The following CHL1 variants were observed in gnomAD, a reference collection of about 807,000 sequenced individuals.
The protein encoded by CHL1 is neural cell adhesion molecule L1-like protein.
Under a neutral mutation model 141.9 loss-of-function variants are expected in CHL1, and 96 were observed. That is an observed-to-expected ratio of 0.68 (90% CI 0.57 to 0.80). CHL1 has a LOEUF of 0.80. Among genes scored for constraint, CHL1 ranks in the 30% least tolerant of loss-of-function variants. CHL1 has a pLI of 0.00. For missense variants in CHL1, 1,820 were observed against 1,457.2 expected (o/e 1.25, Z -4.05); for synonymous variants, 613 against 502.2 (o/e 1.22, Z -2.95).
rs115105130 is a variant in CHL1, at chr3:351,608, T to G, written c.1033+2065T>G. Among the ~76,000 whole-genome samples, 289 of 152,282 alleles carry G rather than the reference T, an allele frequency of 1.9e-3. 3 individuals are homozygous for G. The highest frequency in any genetic ancestry group is 6.5e-3 in the African/African-American group (271 of 41,574). ...CACATTAAATAATAAGGATTTGCCA[T>G]GTGAGAAAATAGCAATGCTATTGTA... is the stretch of plus-strand genomic sequence containing the variant. On this transcript the variant is annotated intron_variant, in intron 10 of 27. Transcript: ENST00000256509.
intron 26 of CHL1, among the ~76,000 whole-genome samples, chr3:399,617 G>T (rs1708962196): frequency 6.6e-6 from 1 of 152,038 alleles, no homozygotes; most frequent in South Asian, 2.1e-4. Flanking sequence ...TTCAGCTTGG[G>T]CGACAAGAGC....
chr3:243,932 T>C (rs553934982), intron 1 of CHL1, among the ~76,000 whole-genome samples: 1 of 152,320 alleles, frequency 6.6e-6, no homozygotes, highest in East Asian at 1.9e-4. Flanking sequence ...AAAAGCATGT[T>C]CATGGGATGG....
intron 1 of CHL1, among the ~76,000 whole-genome samples, chr3:225,722 G>C (rs1358529312): frequency 6.6e-6 from 1 of 152,028 alleles, no homozygotes; most frequent in Non-Finnish European, 1.5e-5. Flanking sequence ...GTTAAGAATA[G>C]GTTATGGCCA....
At chr3:266,348 G>A (rs776624960) in intron 2 of CHL1, among the ~76,000 whole-genome samples, 2 of 152,158 alleles carry the variant, frequency 1.3e-5, no homozygotes, top group Admixed American at 6.5e-5. Context: ...CAAGGAAAGC[G>A]ATACAATTTC....
intron 2 of CHL1, among the ~76,000 whole-genome samples, chr3:272,587 C>A (rs1444677865): frequency 6.6e-6 from 1 of 152,158 alleles, no homozygotes; most frequent in Non-Finnish European, 1.5e-5. Context: ...TGCAAGAAAT[C>A]TAAGGCAAAA....
intron 1 of CHL1, among the ~76,000 whole-genome samples, chr3:235,397 C>A (rs1337312916): frequency 6.6e-6 from 1 of 151,968 alleles, no homozygotes; most frequent in Non-Finnish European, 1.5e-5. Flanking sequence ...CCGTATCTAC[C>A]TCATGGGTTG....
chr3:316,477 T>A (rs1212126067), intron 2 of CHL1, among the ~76,000 whole-genome samples: 1 of 151,976 alleles, frequency 6.6e-6, no homozygotes, highest in Non-Finnish European at 1.5e-5. Context: ...GGATGTTTTT[T>A]TTCCTAAGGA....
At chr3:300,015 T>A (rs1323703124) in intron 2 of CHL1, among the ~76,000 whole-genome samples, 1 of 152,198 alleles carries the variant, frequency 6.6e-6, no homozygotes, top group African/African-American at 2.4e-5. Flanking sequence ...GTATTGGGTT[T>A]CAGAAAGATA....
intron 2 of CHL1, among the ~76,000 whole-genome samples, chr3:305,064 C>T (rs1273855449): frequency 1.3e-5 from 2 of 151,974 alleles, no homozygotes; most frequent in East Asian, 3.9e-4. Flanking sequence ...GCATGCCAAA[C>T]CATAACATTT....
At chr3:238,393 T>G (rs377708642) in intron 1 of CHL1, among the ~76,000 whole-genome samples, 11 of 150,634 alleles carry the variant, frequency 7.3e-5, no homozygotes, top group African/African-American at 2.7e-4. Flanking sequence ...AAAGATCAAT[T>G]GAGATCAGAT....
In CHL1 at chr3:357,181, G is replaced by A. The variant is rs531926590; in HGVS notation, c.1165+2410G>A. On this transcript the variant is annotated intron_variant, in intron 11 of 27. Transcript: ENST00000256509. ...GCCAGGTGGCTGGAATCCAAGCTCG[G>A]TGTTCTGTTCACAGCTTTTGGCCCT... Among the ~76,000 whole-genome samples, 6 of 152,300 alleles carry A rather than the reference G, an allele frequency of 3.9e-5. No individual in the cohort carries two copies. In the South Asian group the frequency reaches 1.2e-3, roughly 32 times the overall value.
chr3:290,447 G>T (rs1437706628), intron 2 of CHL1, among the ~76,000 whole-genome samples: 1 of 152,124 alleles, frequency 6.6e-6, no homozygotes, highest in Non-Finnish European at 1.5e-5. Flanking sequence ...TATATTCTAG[G>T]TTAGAAAAGA....
chr3:302,556 G>A (rs191136757), intron 2 of CHL1, among the ~76,000 whole-genome samples: 1 of 152,184 alleles, frequency 6.6e-6, no homozygotes, highest in Admixed American at 6.5e-5. Context: ...TTTGAGAAAT[G>A]TCTGTTCATA....
At chr3:334,026 G>T (rs1701669339) in intron 5 of CHL1, among the ~76,000 whole-genome samples, 1 of 151,978 alleles carries the variant, frequency 6.6e-6, no homozygotes. Flanking sequence ...GTACAAACAT[G>T]GCTCACTGCA....
rs1701170234 is a variant in CHL1, at chr3:328,349, T to C, written c.380T>C (p.Val127Ala). ...ATGTCAGAAGAAATAGAATTTATAGTTCCAAGTAAGTACTATAACGGGAAT... is the reference window on the plus strand; with the variant it reads ...ATGTCAGAAGAAATAGAATTTATAGCTCCAAGTAAGTACTATAACGGGAAT... The part of the protein sequence containing the change: ...IAMSEEIEFI[V>A]PSVPKFPKEK... The change falls in exon 5 of 28, where the codon GTT becomes GCT. Residue 127 changes from valine (V) to alanine (A), a missense_variant. Coordinates refer to ENST00000256509, the MANE Select transcript of CHL1 (RefSeq NM_006614.4). 1.2e-6 allele frequency: 2 copies of C among 1,609,630 alleles called. No individual in the cohort carries two copies. Among genetic ancestry groups the C allele is most frequent in the African/African-American group, 1.3e-5 (1 of 74,848 alleles).
chr3:197,569 C>A (rs1575582074), intron 1 of CHL1: 1 of 326,676 alleles, frequency 3.1e-6, no homozygotes, highest in East Asian at 7.9e-5. Context: ...GGGCTCAGAC[C>A]CCCCCAGTCC....
At chr3:199,562 G>C (rs1698734350) in intron 1 of CHL1, among the ~76,000 whole-genome samples, 1 of 152,152 alleles carries the variant, frequency 6.6e-6, no homozygotes, top group Non-Finnish European at 1.5e-5. Flanking sequence ...TTGCATTTAA[G>C]TTAATTCATC....
intron 2 of CHL1, among the ~76,000 whole-genome samples, chr3:294,263 G>C (rs1014702190): frequency 3.3e-5 from 5 of 152,100 alleles, no homozygotes; most frequent in African/African-American, 1.2e-4. Flanking sequence ...AGGATGCAGT[G>C]AGTCATGATT....
intron 26 of CHL1, among the ~76,000 whole-genome samples, chr3:400,198 C>A (rs1387719510): frequency 1.3e-5 from 2 of 152,128 alleles, no homozygotes; most frequent in Non-Finnish European, 2.9e-5. Context: ...ATTTATCTAG[C>A]AAATATTTAT....
Sources: allele counts gnomAD v4.1 joint callset (sites outside exome capture counted in the v4.1 genomes callset), GRCh38; gene constraint gnomAD v4.1.1; transcripts MANE v1.5; gene names NCBI Gene and HGNC (gene_info 2026-07-23, HGNC 2026-07-21).